SORCS2: variants seen among roughly 807,000 people sequenced by gnomAD.
The protein encoded by SORCS2 is VPS10 domain-containing receptor SorCS2.
SORCS2 carries 100 observed loss-of-function variants against 141.6 expected under a neutral mutation model. The observed-to-expected ratio is 0.71, with a 90% CI of 0.60 to 0.83. The LOEUF is 0.83. Among genes scored for constraint, SORCS2 ranks in the 40% least tolerant of loss-of-function variants. The pLI is 0.00. For missense variants in SORCS2, 1,646 were observed against 1,560.2 expected, an observed-to-expected ratio of 1.05 and a Z score of -0.93; for synonymous variants, 789 against 676.9, an observed-to-expected ratio of 1.17 and a Z score of -2.57.
intron 6 of SORCS2, among the ~76,000 whole-genome samples, chr4:7,661,942 C>G (rs912449302): frequency 1.4e-4 from 21 of 152,128 alleles, no homozygotes; most frequent in African/African-American, 5.1e-4. Context: ...TGCTGTGTGA[C>G]AGGAGGGTGC....
intron 2 of SORCS2, among the ~76,000 whole-genome samples, chr4:7,406,740 G>T (rs77133534): frequency 0.047 from 7,158 of 151,522 alleles, 177 homozygotes; most frequent in East Asian, 0.083. Flanking sequence ...TTTCTGCTCC[G>T]ATTATTAGTA....
intron 1 of SORCS2, among the ~76,000 whole-genome samples, chr4:7,316,329 C>T (rs912947290): frequency 6.6e-6 from 1 of 152,218 alleles, no homozygotes; most frequent in African/African-American, 2.4e-5. Context: ...GGACATCTCT[C>T]ATATCCCAGA....
intron 2 of SORCS2, among the ~76,000 whole-genome samples, chr4:7,427,524 C>T (rs543029173): frequency 6.6e-5 from 10 of 152,312 alleles, no homozygotes; most frequent in African/African-American, 2.2e-4. Context: ...GGACTTGGAG[C>T]ATACTTCCTC....
At chr4:7,652,405 T>C (rs1017775070) in intron 4 of SORCS2, among the ~76,000 whole-genome samples, 2 of 152,192 alleles carry the variant, frequency 1.3e-5, no homozygotes, top group African/African-American at 2.4e-5. Context: ...GAGGATCAGC[T>C]GGCCCCTTCC....
intron 1 of SORCS2, among the ~76,000 whole-genome samples, chr4:7,389,154 T>G (rs1723696966): frequency 6.6e-6 from 1 of 152,186 alleles, no homozygotes. Flanking sequence ...CTGCCTGCGC[T>G]CTTTCCCTCA....
chr4:7,647,806 G>T (rs879876715), intron 4 of SORCS2, among the ~76,000 whole-genome samples: 1 of 152,232 alleles, frequency 6.6e-6, no homozygotes, highest in Non-Finnish European at 1.5e-5. Context: ...CCCTCGGCTG[G>T]TTCTTCTGAT....
At chr4:7,629,266 A>G (rs1304268531) in intron 3 of SORCS2, among the ~76,000 whole-genome samples, 1 of 152,206 alleles carries the variant, frequency 6.6e-6, no homozygotes, top group Non-Finnish European at 1.5e-5. Flanking sequence ...ATTAATAAAA[A>G]TAAAAATAAA....
At chr4:7,657,301 A>G (rs1017962242) in intron 5 of SORCS2, among the ~76,000 whole-genome samples, 1 of 152,290 alleles carries the variant, frequency 6.6e-6, no homozygotes, top group African/African-American at 2.4e-5. Flanking sequence ...GAGTTAGGTA[A>G]TGAATGAATG....
intron 3 of SORCS2, among the ~76,000 whole-genome samples, chr4:7,569,222 A>G (rs770927033): frequency 6.6e-6 from 1 of 152,208 alleles, no homozygotes; most frequent in Non-Finnish European, 1.5e-5. Flanking sequence ...CTTTAGAAAT[A>G]TCCACAGAGG....
At chr4:7,299,268 A>G (rs1482132394) in intron 1 of SORCS2, among the ~76,000 whole-genome samples, 1 of 152,224 alleles carries the variant, frequency 6.6e-6, no homozygotes, top group Non-Finnish European at 1.5e-5. Flanking sequence ...GTCTGAGTGG[A>G]TGGCGGGCTG....
intron 1 of SORCS2, among the ~76,000 whole-genome samples, chr4:7,371,031 C>T (rs193157493): frequency 6.2e-4 from 94 of 152,304 alleles, no homozygotes; most frequent in African/African-American, 2.0e-3. Flanking sequence ...TTCTCCCCGG[C>T]TCTCAGGGCC....
chr4:7,395,430 G>A (rs929632531), intron 1 of SORCS2, among the ~76,000 whole-genome samples: 2 of 152,194 alleles, frequency 1.3e-5, no homozygotes, highest in African/African-American at 4.8e-5. Flanking sequence ...ACAGGGACTG[G>A]CAGTGAGTGA....
chr4:7,435,781 C>A (rs188803817), intron 2 of SORCS2, among the ~76,000 whole-genome samples: 1 of 152,254 alleles, frequency 6.6e-6, no homozygotes, highest in African/African-American at 2.4e-5. Context: ...CACGCACAGG[C>A]GCCTTGCGTC....
chr4:7,413,996 G>C lies in SORCS2; in HGVS notation c.548+17641G>C, dbSNP rs868221140. Among the ~76,000 whole-genome samples, 18 of 152,338 alleles carry C rather than the reference G, an allele frequency of 1.2e-4. No individual in the cohort carries two copies. In the South Asian group the frequency reaches 3.5e-3, roughly 30 times the overall value. ...GTTGCTGATGTTACTGGAGGATGTAGAGACGAAAGAGCCATTTAGGGAAGA... is the reference window on the plus strand; with the variant it reads ...GTTGCTGATGTTACTGGAGGATGTACAGACGAAAGAGCCATTTAGGGAAGA... On this transcript the variant is annotated intron_variant, in intron 2 of 26. Coordinates refer to ENST00000507866, the MANE Select transcript of SORCS2 (RefSeq NM_020777.3).
intron 2 of SORCS2, among the ~76,000 whole-genome samples, chr4:7,511,505 A>C (rs1414690870): frequency 1.3e-5 from 2 of 151,840 alleles, no homozygotes; most frequent in East Asian, 3.9e-4. Flanking sequence ...AGAGACAGAG[A>C]AACAGAGAAA....
intron 5 of SORCS2, among the ~76,000 whole-genome samples, chr4:7,656,427 T>C (rs930822913): frequency 1.3e-5 from 2 of 152,188 alleles, no homozygotes; most frequent in Non-Finnish European, 2.9e-5. Flanking sequence ...AGTGCACCAT[T>C]CCACGGCATC....
intron 2 of SORCS2, among the ~76,000 whole-genome samples, chr4:7,443,389 C>T (rs2109265609): frequency 6.6e-6 from 1 of 152,328 alleles, no homozygotes; most frequent in East Asian, 1.9e-4. Flanking sequence ...TCACCAGTCT[C>T]TGGCTGCTGC....
intron 23 of SORCS2, among the ~76,000 whole-genome samples, chr4:7,730,653 A>G (rs1711587587): frequency 6.6e-6 from 1 of 152,226 alleles, no homozygotes; most frequent in Non-Finnish European, 1.5e-5. Context: ...CACGTAGCGT[A>G]CAATTCCATT....
At chr4:7,545,799 T>C (rs762206812) in intron 3 of SORCS2, among the ~76,000 whole-genome samples, 15 of 152,210 alleles carry the variant, frequency 9.9e-5, no homozygotes, top group Non-Finnish European at 1.9e-4. Flanking sequence ...AAAACCAGAG[T>C]GCACGCTCTG....
Sources: gnomAD v4.1 joint callset for allele counts (sites outside exome capture counted in the v4.1 genomes callset) on GRCh38, gnomAD v4.1.1 for gene constraint, MANE v1.5 for transcripts, NCBI Gene and HGNC (gene_info 2026-07-23, HGNC 2026-07-21) for gene names.